Variants in ASPRV1 observed in about 807,000 individuals in gnomAD.
ASPRV1 encodes aspartic peptidase retroviral like 1, also known as retroviral-like aspartic protease 1.
ASPRV1 carries 7 observed loss-of-function variants against 11.0 expected under a neutral mutation model. The observed-to-expected ratio is 0.64, with a 90% confidence interval of 0.36 to 1.20. ASPRV1 has a LOEUF of 1.20. Among genes scored for constraint, ASPRV1 ranks in the 50% most tolerant of loss-of-function variants. The probability of loss-of-function intolerance (pLI) is 0.02; values close to 1 mark genes in which losing one functional copy is unlikely to be tolerated. For synonymous variants in ASPRV1, 136 were observed against 138.4 expected (o/e 0.98, Z 0.12); for missense variants, 299 against 320.0 (o/e 0.93, Z 0.50).
the ASPRV1 span, chr2:70,050,948 G>C: frequency 7.1e-6 from 1 of 140,802 alleles, no homozygotes; most frequent in Non-Finnish European, 1.6e-5. Flanking sequence ...GTCTCTAAAA[G>C]AAAAAAAAAA....
At chr2:69,956,512 G>A (rs903484046), downstream of ASPRV1, among the ~76,000 whole-genome samples, 12 of 130,338 alleles carry the variant, frequency 9.2e-5, no homozygotes, top group Non-Finnish European at 1.7e-4. Context: ...AGAGGAGGAG[G>A]GGAGGAGGAG....
the ASPRV1 span, among the ~76,000 whole-genome samples, chr2:69,996,517 C>T: frequency 2.0e-5 from 3 of 152,136 alleles, no homozygotes; most frequent in Non-Finnish European, 4.4e-5. Context: ...GCACAGAGAA[C>T]ATTACTATCA....
the ASPRV1 span, among the ~76,000 whole-genome samples, chr2:70,057,644 A>C: frequency 6.6e-6 from 1 of 151,614 alleles, no homozygotes; most frequent in Admixed American, 6.6e-5. Context: ...ACGCCCAGCT[A>C]ATTATTGTAG....
chr2:70,049,077 G>A, the ASPRV1 span: 1 of 149,864 alleles, frequency 6.7e-6, no homozygotes, highest in South Asian at 2.1e-4. Flanking sequence ...TAGGGTACAT[G>A]TGCACAATGT....
the ASPRV1 span, among the ~76,000 whole-genome samples, chr2:69,978,849 C>T: frequency 6.6e-6 from 1 of 152,158 alleles, no homozygotes; most frequent in African/African-American, 2.4e-5. Context: ...TTGTCAGAGG[C>T]CACACGGCAG....
chr2:70,041,394 C>A, the ASPRV1 span, among the ~76,000 whole-genome samples: 1 of 152,116 alleles, frequency 6.6e-6, no homozygotes, highest in Non-Finnish European at 1.5e-5. Context: ...GGTCACCCAC[C>A]CAGTCGGATT....
chr2:70,020,051 T>C, the ASPRV1 span, among the ~76,000 whole-genome samples: 16 of 152,118 alleles, frequency 1.1e-4, no homozygotes, highest in Non-Finnish European at 2.2e-4. Context: ...CCATACAATT[T>C]TTACTTGTCA....
the ASPRV1 span, among the ~76,000 whole-genome samples, chr2:70,051,717 T>C: frequency 2.0e-5 from 3 of 152,140 alleles, no homozygotes; most frequent in Non-Finnish European, 4.4e-5. Flanking sequence ...TTGACACCTG[T>C]AATCCCAGCA....
At chr2:70,040,829 G>A in the ASPRV1 span, among the ~76,000 whole-genome samples, 5 of 152,038 alleles carry the variant, frequency 3.3e-5, no homozygotes, top group Non-Finnish European at 7.3e-5. Flanking sequence ...GTGAGACTCC[G>A]ACTCAAAACT....
chr2:70,066,623 G>A, the ASPRV1 span, among the ~76,000 whole-genome samples: 3 of 151,340 alleles, frequency 2.0e-5, no homozygotes, highest in Admixed American at 6.6e-5. Flanking sequence ...TTTGAGACAA[G>A]GTCTCCCTCT....
chr2:70,000,570 G>C, the ASPRV1 span: 1 of 151,220 alleles, frequency 6.6e-6, no homozygotes, highest in African/African-American at 2.4e-5. Flanking sequence ...TGGGCGGATT[G>C]CTTGGGCTCA....
chr2:69,990,304 C>T, the ASPRV1 span, among the ~76,000 whole-genome samples: 1 of 152,144 alleles, frequency 6.6e-6, no homozygotes, highest in Non-Finnish European at 1.5e-5. Flanking sequence ...ATTCCTCAGC[C>T]TCCCGAGTAG....
chr2:69,935,408 C>G, the ASPRV1 span: 52 of 1,614,068 alleles, frequency 3.2e-5, 1 homozygote, highest in South Asian at 5.4e-4. Context: ...CACTTGGACC[C>G]GAATCAAGTC....
the ASPRV1 span, among the ~76,000 whole-genome samples, chr2:69,948,065 G>T: frequency 4.0e-5 from 6 of 149,954 alleles, no homozygotes; most frequent in South Asian, 2.1e-4. Context: ...CAGAGAGACA[G>T]AGGGAGACCC....
At chr2:70,077,795 C>T in the ASPRV1 span, among the ~76,000 whole-genome samples, 1 of 151,528 alleles carries the variant, frequency 6.6e-6, no homozygotes, top group Non-Finnish European at 1.5e-5. Flanking sequence ...GCAGAGGTTG[C>T]AATGAGCTGA....
the ASPRV1 span, among the ~76,000 whole-genome samples, chr2:70,005,063 A>C: frequency 2.2e-3 from 244 of 111,046 alleles, no homozygotes; most frequent in East Asian, 0.011. Flanking sequence ...ATGGTTTCTT[A>C]TTATTATTAT....
At chr2:69,965,198 C>A (rs1678294745), upstream of ASPRV1, among the ~76,000 whole-genome samples, 1 of 152,316 alleles carries the variant, frequency 6.6e-6, no homozygotes, top group Non-Finnish European at 1.5e-5. Flanking sequence ...CACCACCACA[C>A]CTGGCTAATT....
downstream of ASPRV1, among the ~76,000 whole-genome samples, chr2:69,955,278 T>A (rs1185270275): frequency 6.6e-6 from 1 of 152,186 alleles, no homozygotes; most frequent in Non-Finnish European, 1.5e-5. Context: ...AGGGCAGGAC[T>A]CATGGCCTTC....
the ASPRV1 span, among the ~76,000 whole-genome samples, chr2:69,932,829 G>T: frequency 6.6e-6 from 1 of 152,114 alleles, no homozygotes; most frequent in African/African-American, 2.4e-5. Flanking sequence ...GTACTAAAAT[G>T]ACACTGTTCT....
Sources: gnomAD v4.1 joint callset for allele counts (sites outside exome capture counted in the v4.1 genomes callset) on GRCh38, gnomAD v4.1.1 for gene constraint, MANE v1.5 for transcripts, NCBI Gene and HGNC (gene_info 2026-07-23, HGNC 2026-07-21) for gene names.